Variants in TDRD6 observed in about 807,000 individuals in gnomAD.
TDRD6 encodes tudor domain containing 6, also known as tudor domain-containing protein 6.
In TDRD6, 186 loss-of-function variants were observed where a neutral mutation model predicts 157.5. The ratio of observed to expected loss-of-function variants is 1.18; its 90% CI spans 1.05 to 1.33. TDRD6 has a LOEUF of 1.33. Among genes scored for constraint, TDRD6 ranks in the 40% most tolerant of loss-of-function variants. TDRD6 has a pLI of 0.00. For missense variants in TDRD6, 3,066 were observed against 2,508.0 expected (o/e 1.22, Z -4.75); for synonymous variants, 1,075 against 945.2 (o/e 1.14, Z -2.52).
upstream of TDRD6, among the ~76,000 whole-genome samples, chr6:46,683,317 AATC>A (rs144827698): frequency 1.6e-3 from 250 of 152,204 alleles, 5 homozygotes; most frequent in East Asian, 0.036. Flanking sequence ...ATTTAAAATG[AATC>A]ATAGACCTAA....
chr6:46,688,254 G>C lies in TDRD6; in HGVS notation c.126G>C (p.Glu42Asp). Reference sequence around the variant, plus strand: ...GGCTGGTGGGCGAGCGGCGGGGCGAGTACCTGCGGCTGAGCCGGGAAATCC... The same window carrying C: ...GGCTGGTGGGCGAGCGGCGGGGCGACTACCTGCGGCTGAGCCGGGAAATCC... ...LWGLVGERRGEYLRLSREIQE... is the reference protein window; with the variant it reads ...LWGLVGERRGDYLRLSREIQE... Residue 42 changes from glutamate (E) to aspartate (D), a missense_variant, in exon 1 of 4, where the codon GAG becomes GAC. Transcript: ENST00000316081. 2 of 1,516,238 alleles carry C rather than the reference G, an allele frequency of 1.3e-6. No homozygotes were observed. Among genetic ancestry groups the C allele is most frequent in the Non-Finnish European group, 1.8e-6 (2 of 1,139,182 alleles). 93.9% of individuals were successfully genotyped at this position (1,516,238 alleles called of 1,614,324 possible).
rs1764180105 is a variant in TDRD6, at chr6:46,688,426, GA to G, written c.299del (p.Asp100AlafsTer32). On this transcript the variant is annotated frameshift_variant, in exon 1 of 4. Coordinates refer to ENST00000316081, the MANE Select transcript of TDRD6 (RefSeq NM_001010870.3). LOFTEE classifies it high-confidence loss of function. ...ACAGGAGAGCCGTGTCTTCCTGCTG[GA>G]CGAGGGCCGCACCATCACGGCCGGA... The part of the protein sequence containing the change: ...QAQESRVFLL[D>X]EGRTITAGAG... 1.9e-6 allele frequency: 3 copies of G among 1,541,110 alleles called. No individual in the cohort carries two copies. In the South Asian group the frequency reaches 3.6e-5, roughly 18 times the overall value.
Position 46,697,994 on chromosome 6 carries a change from G to C in TDRD6, c.6172-4G>C. ...ACTTTAAAAAAATTTGTTTTCTCCT[G>C]TAGGTTTTGAACCTTTCAAATGGTA... On this transcript the variant is annotated splice_polypyrimidine_tract_variant and splice_region_variant and intron_variant, in intron 2 of 3. Transcript: ENST00000316081. 6.3e-7 allele frequency: 1 copy of C among 1,578,818 alleles called. No homozygotes were observed. The highest frequency in any genetic ancestry group is 8.6e-7 in the Non-Finnish European group (1 of 1,160,478).
In TDRD6 at chr6:46,694,015, G is replaced by C; in HGVS notation, c.5887G>C (p.Asp1963His). ...RRMSLHLHGA[D>H]CDPKTQNEMN... is the part of the protein sequence containing the mutation. ...GATGTCATTGCATCTACATGGAGCAGATTGTGATCCTAAAACACAGAATGA... is the reference window on the plus strand; with the variant it reads ...GATGTCATTGCATCTACATGGAGCACATTGTGATCCTAAAACACAGAATGA... Residue 1963 changes from aspartate to histidine, a missense_variant, in exon 1 of 4, where the codon GAT becomes CAT. By Grantham distance (81) the Asp-to-His change is moderately conservative. Coordinates refer to ENST00000316081, the MANE Select transcript of TDRD6 (RefSeq NM_001010870.3). The C allele has an allele frequency of 6.2e-7, 1 of 1,613,984 alleles. No homozygotes were observed. The highest frequency in any genetic ancestry group is 8.5e-7 in the Non-Finnish European group (1 of 1,179,986).
In TDRD6 at chr6:46,692,874, A is replaced by G; in HGVS notation, c.4746A>G (p.Gly1582=). 2 of 1,614,110 alleles carry G rather than the reference A, an allele frequency of 1.2e-6. No homozygotes were observed. The highest frequency in any genetic ancestry group is 1.7e-6 in the Non-Finnish European group (2 of 1,179,998). ...GTATAGTAAGATACAGAGAAGATGG[A>G]CATTATTATAGGGCACTTATCACTA... is the stretch of plus-strand genomic sequence containing the variant. ...DPCIVRYRED[G]HYYRALITNI... Residue 1582 remains glycine (G), a synonymous_variant, in exon 1 of 4, where the codon GGA becomes GGG. Coordinates refer to ENST00000316081, the MANE Select transcript of TDRD6 (RefSeq NM_001010870.3).
Position 46,698,019 on chromosome 6 carries a change from A to T in TDRD6, c.6193A>T (p.Met2065Leu). Residue 2065 changes from methionine (M) to leucine (L), a missense_variant, in exon 3 of 4, where the codon ATG becomes TTG. Met to Leu is a conservative substitution (Grantham distance 15). Transcript: ENST00000316081. ...GTAGGTTTTGAACCTTTCAAATGGT[A>T]TGGAGGAGATAGTGAACCCTGAGAA... The part of the protein sequence containing the change: ...GTRVLNLSNG[M>L]EEIVNPENVW... 1 of 1,610,330 alleles carries T rather than the reference A, an allele frequency of 6.2e-7. No homozygotes were observed. The highest frequency in any genetic ancestry group is 8.5e-7 in the Non-Finnish European group (1 of 1,177,584).
upstream of TDRD6, among the ~76,000 whole-genome samples, chr6:46,687,245 G>T (rs940701463): frequency 1.3e-5 from 2 of 152,142 alleles, no homozygotes; most frequent in African/African-American, 2.4e-5. Context: ...ATCCAGTTCT[G>T]TGCTAGCTCT....
At chr6:46,694,685 A>G (rs1484347502) in intron 1 of TDRD6, among the ~76,000 whole-genome samples, 1 of 152,224 alleles carries the variant, frequency 6.6e-6, no homozygotes, top group African/African-American at 2.4e-5. Flanking sequence ...AAACACTGAA[A>G]TATTAGTTTT....
At position 46,702,874 on chromosome 6, in the gene TDRD6, A is replaced by G. The variant is rs1481542824; in HGVS notation, c.*987A>G. The G allele has an allele frequency of 6.6e-6, 1 of 152,128 alleles. No homozygotes were observed. Among genetic ancestry groups the G allele is most frequent in the Non-Finnish European group, 1.5e-5 (1 of 67,982 alleles). The allele number at this position is 152,128 out of a possible 1,614,324, so 9.4% of individuals were successfully genotyped here. A position where few individuals can be genotyped will look rare whatever the true frequency, so the allele number is the denominator to read the frequency against. On this transcript the variant is annotated 3_prime_UTR_variant, in exon 4 of 4. Transcript: ENST00000316081. ...TTTGAACTTTGATCTTCATCTGTAA[A>G]GTGGTGATAATAAAACCTTTCTTGC...
intron 3 of TDRD6, among the ~76,000 whole-genome samples, chr6:46,699,723 C>T (rs572888974): frequency 2.0e-5 from 3 of 152,196 alleles, no homozygotes; most frequent in South Asian, 4.1e-4. Context: ...TCATTATTCA[C>T]GTTTTTACTT....
Position 46,691,503 on chromosome 6 carries a change from G to A in TDRD6, c.3375G>A (p.Lys1125=). The change falls in exon 1 of 4, where the codon AAG becomes AAA. Residue 1125 remains lysine, a synonymous_variant. Transcript: ENST00000316081. ...FQETILDKSL[K]ALVVAKDPDG... ...AGACTATTTTAGATAAGTCATTGAAGGCTTTAGTTGTAGCAAAAGATCCAG... is the reference window on the plus strand; with the variant it reads ...AGACTATTTTAGATAAGTCATTGAAAGCTTTAGTTGTAGCAAAAGATCCAG... 6.2e-7 allele frequency: 1 copy of A among 1,614,010 alleles called. No individual in the cohort carries two copies. The highest frequency in any genetic ancestry group is 1.7e-5 in the Admixed American group (1 of 60,018).
In TDRD6 at chr6:46,691,140, G is replaced by A. The variant is rs1354847680; in HGVS notation, c.3012G>A (p.Gln1004=). 3.7e-6 allele frequency: 6 copies of A among 1,613,560 alleles called. No individual in the cohort carries two copies. The highest frequency in any genetic ancestry group is 1.1e-5 in the South Asian group (1 of 91,008). ...ATGACCCTTGGACATTTTATTGCCA[G>A]CTGGCAAGAAATGCAAATATTTTAG... ...HIDDPWTFYC[Q]LARNANILEQ... The change falls in exon 1 of 4, where the codon CAG becomes CAA. Residue 1004 remains glutamine (Q), a synonymous_variant. Coordinates refer to ENST00000316081, the MANE Select transcript of TDRD6 (RefSeq NM_001010870.3).
At chr6:46,682,184 G>A in the TDRD6 span, among the ~76,000 whole-genome samples, 1 of 151,944 alleles carries the variant, frequency 6.6e-6, no homozygotes, top group Non-Finnish European at 1.5e-5. Flanking sequence ...GACTTATCCT[G>A]GGAATACAAA....
chr6:46,692,834 A>G lies in TDRD6; in HGVS notation c.4706A>G (p.Tyr1569Cys). Reference protein sequence around the residue: ...ADRRNCIPCPYIGDPCIVRYR... With the variant: ...ADRRNCIPCPCIGDPCIVRYR... ...AGGAGAAATTGTATCCCATGTCCTT[A>G]TATTGGAGATCCTTGTATAGTAAGA... The change falls in exon 1 of 4, where the codon TAT (tyrosine) becomes TGT (cysteine). Residue 1569 changes from tyrosine to cysteine, a missense_variant. By Grantham distance (194) the Tyr-to-Cys change is radical. Coordinates refer to ENST00000316081, the MANE Select transcript of TDRD6 (RefSeq NM_001010870.3). The G allele has an allele frequency of 6.2e-7, 1 of 1,614,034 alleles. No homozygotes were observed. The highest frequency in any genetic ancestry group is 1.3e-5 in the African/African-American group (1 of 75,046).
At position 46,688,360 on chromosome 6, in the gene TDRD6, G is replaced by T; in HGVS notation, c.232G>T (p.Gly78Trp). Residue 78 changes from glycine to tryptophan, a missense_variant, in exon 1 of 4, where the codon GGG (glycine) becomes TGG (tryptophan). Physicochemically the swap from Gly to Trp is radical, Grantham distance 184 (BLOSUM62 -2). Transcript: ENST00000316081. Reference protein sequence around the residue: ...SPGELCLVQVGLLWHRCRVVS... With the variant: ...SPGELCLVQVWLLWHRCRVVS... ...CGGCGAGCTGTGCCTGGTGCAGGTCGGGCTTTTGTGGCACCGCTGCCGCGT... is the reference window on the plus strand; with the variant it reads ...CGGCGAGCTGTGCCTGGTGCAGGTCTGGCTTTTGTGGCACCGCTGCCGCGT... 1 of 1,533,246 alleles carries T rather than the reference G, an allele frequency of 6.5e-7. No individual in the cohort carries two copies. The highest frequency in any genetic ancestry group is 8.7e-7 in the Non-Finnish European group (1 of 1,144,308). The allele number at this position is 1,533,246 out of a possible 1,614,324, so 95.0% of individuals were successfully genotyped here. A position where few individuals can be genotyped will look rare whatever the true frequency, so the allele number is the denominator to read the frequency against.
At position 46,690,178 on chromosome 6, in the gene TDRD6, C is replaced by T. The variant is rs750809063; in HGVS notation, c.2050C>T (p.Pro684Ser). The change falls in exon 1 of 4, where the codon CCA (proline) becomes TCA (serine). Residue 684 changes from proline (P) to serine (S), a missense_variant. Transcript: ENST00000316081. ...KENILVNAHSPGHVSNHFTTE... is the reference protein window; with the variant it reads ...KENILVNAHSSGHVSNHFTTE... ...AAATATCCTGGTAAATGCCCACTCCCCAGGGCATGTTTCAAACCACTTTAC... is the reference window on the plus strand; with the variant it reads ...AAATATCCTGGTAAATGCCCACTCCTCAGGGCATGTTTCAAACCACTTTAC... The T allele has an allele frequency of 1.9e-6, 3 of 1,613,770 alleles. No homozygotes were observed. Among genetic ancestry groups the T allele is most frequent in the Admixed American group, 1.7e-5 (1 of 60,008 alleles).
chr6:46,691,107 G>T lies in TDRD6; in HGVS notation c.2979G>T (p.Thr993=), dbSNP rs760930520. ...KIGSEELVYI[T]HIDDPWTFYC... ...GAAGTGAAGAATTAGTTTATATAAC[G>T]CATATTGATGACCCTTGGACATTTT... Residue 993 remains threonine (T), a synonymous_variant, in exon 1 of 4, where the codon ACG becomes ACT. Coordinates refer to ENST00000316081, the MANE Select transcript of TDRD6 (RefSeq NM_001010870.3). 6.2e-7 allele frequency: 1 copy of T among 1,613,844 alleles called. No individual in the cohort carries two copies. Among genetic ancestry groups the T allele is most frequent in the Non-Finnish European group, 8.5e-7 (1 of 1,179,910 alleles).
intron 1 of TDRD6, 101 bp downstream of exon 1, chr6:46,694,275 T>G (rs1764436264): frequency 1.2e-6 from 1 of 827,064 alleles, no homozygotes; most frequent in South Asian, 2.3e-5. Flanking sequence ...TGATCTTGGC[T>G]CACTGCAGCC....
At position 46,689,609 on chromosome 6, in the gene TDRD6, A is replaced by G; in HGVS notation, c.1481A>G (p.Glu494Gly). The change falls in exon 1 of 4, where the codon GAG becomes GGG. Residue 494 changes from glutamate to glycine, a missense_variant. By Grantham distance (98) the Glu-to-Gly change is moderately conservative (BLOSUM62 -2). Transcript: ENST00000316081. The stretch of plus-strand genomic sequence containing the variant: ...AATGCCTTCTACGATGCGCAGGTAG[A>G]GTTTGTTAAAAATCCTTCTGAGTTT... ...KMNAFYDAQV[E>G]FVKNPSEFWI... is the part of the protein sequence containing the mutation. The G allele has an allele frequency of 6.2e-7, 1 of 1,614,176 alleles. No individual in the cohort carries two copies. Among genetic ancestry groups the G allele is most frequent in the Non-Finnish European group, 8.5e-7 (1 of 1,180,042 alleles).
Sources: allele counts gnomAD v4.1 joint callset (sites outside exome capture counted in the v4.1 genomes callset), GRCh38; gene constraint gnomAD v4.1.1; transcripts MANE v1.5; gene names NCBI Gene and HGNC (gene_info 2026-07-23, HGNC 2026-07-21).